The following INSYN2B variants were observed in gnomAD, a reference collection of about 807,000 sequenced individuals.
INSYN2B encodes the protein protein INSYN2B.
INSYN2B carries 16 observed loss-of-function variants against 41.2 expected under a neutral mutation model. The ratio of observed to expected loss-of-function variants is 0.39; its 90% confidence interval spans 0.26 to 0.59. INSYN2B has a LOEUF of 0.59. Among genes scored for constraint, INSYN2B ranks in the 20% least tolerant of loss-of-function variants. The pLI is 0.57. For synonymous variants in INSYN2B, 245 were observed against 244.4 expected, an observed-to-expected ratio of 1.00 and a Z score of -0.02; for missense variants, 608 against 646.4, an observed-to-expected ratio of 0.94 and a Z score of 0.64.
chr5:169,904,624 G>A (rs1774165728), intron 1 of INSYN2B, among the ~76,000 whole-genome samples: 1 of 152,134 alleles, frequency 6.6e-6, no homozygotes, highest in Admixed American at 6.5e-5. Flanking sequence ...CTTCCAACCA[G>A]CCTCTCCCCC....
chr5:169,919,067 A>T (rs1775033827), intron 1 of INSYN2B, among the ~76,000 whole-genome samples: 1 of 152,214 alleles, frequency 6.6e-6, no homozygotes, highest in Non-Finnish European at 1.5e-5. Context: ...GACTTTAACC[A>T]TAATATTTCA....
chr5:169,948,398 C>T (rs939695672), intron 1 of INSYN2B, among the ~76,000 whole-genome samples: 2 of 152,104 alleles, frequency 1.3e-5, no homozygotes, highest in Non-Finnish European at 1.5e-5. Flanking sequence ...GCACCTTTCT[C>T]TGTTTTTTCA....
chr5:169,869,930 G>A (rs1771846338), intron 3 of INSYN2B, among the ~76,000 whole-genome samples: 1 of 152,210 alleles, frequency 6.6e-6, no homozygotes, highest in East Asian at 1.9e-4. Flanking sequence ...TAAGAAGGAA[G>A]ATAGGTGCAG....
intron 3 of INSYN2B, among the ~76,000 whole-genome samples, chr5:169,871,521 A>C (rs1771969980): frequency 1.3e-5 from 2 of 152,244 alleles, no homozygotes; most frequent in African/African-American, 4.8e-5. Context: ...TCATTTTATA[A>C]ATGAGAAAAC....
chr5:169,883,032 G>A lies in INSYN2B; in HGVS notation c.867C>T (p.Asp289=). The change falls in exon 2 of 4, where the codon GAC becomes GAT. Residue 289 remains aspartate, a synonymous_variant. Transcript: ENST00000377365. ...TTGACTGAGATGACAGTGAGCCAAG[G>A]TCTTTGTCATCTGAGTTGTCTTTGG... ...LLPKDNSDDK[D]LGSLSSQSKE... is the part of the protein sequence containing the mutation. The A allele has an allele frequency of 6.4e-7, 1 of 1,551,638 alleles. No individual in the cohort carries two copies. Among genetic ancestry groups the A allele is most frequent in the Non-Finnish European group, 8.7e-7 (1 of 1,146,952 alleles).
At chr5:169,897,162 T>C (rs185242963) in intron 1 of INSYN2B, among the ~76,000 whole-genome samples, 144 of 152,300 alleles carry the variant, frequency 9.5e-4, no homozygotes, top group South Asian at 3.9e-3. Context: ...TTGGAAAGTA[T>C]CACAATAAAA....
At position 169,883,395 on chromosome 5, in the gene INSYN2B, A is replaced by G. The variant is rs1323209986; in HGVS notation, c.504T>C (p.His168=). 6.4e-6 allele frequency: 10 copies of G among 1,551,576 alleles called. No homozygotes were observed. The highest frequency in any genetic ancestry group is 3.9e-5 in the Admixed American group (2 of 50,986). ...CCTTGGGGACCCTTGGGAGGAATGC[A>G]TGGGACACCTTGACCCTTCGAGGCC... ...EDGPRRVKVS[H]AFLPRVPKVQ... Residue 168 remains histidine (H), a synonymous_variant, in exon 2 of 4, where the codon CAT becomes CAC. Coordinates refer to ENST00000377365, the MANE Select transcript of INSYN2B (RefSeq NM_001129891.3).
chr5:169,972,236 C>A (rs1316779400), intron 1 of INSYN2B, among the ~76,000 whole-genome samples: 1 of 152,166 alleles, frequency 6.6e-6, no homozygotes, highest in Non-Finnish European at 1.5e-5. Flanking sequence ...ATAGATTGTT[C>A]CTGCTTATTA....
chr5:169,904,086 C>T (rs1371500542), intron 1 of INSYN2B, among the ~76,000 whole-genome samples: 4 of 122,036 alleles, frequency 3.3e-5, no homozygotes, highest in East Asian at 2.2e-4. Flanking sequence ...AGCAAGACTT[C>T]GTCTCAAAAA....
chr5:169,919,056 T>C (rs1775033220), intron 1 of INSYN2B, among the ~76,000 whole-genome samples: 1 of 152,136 alleles, frequency 6.6e-6, no homozygotes, highest in African/African-American at 2.4e-5. Flanking sequence ...TGGTCAAGGG[T>C]GACTTTAACC....
chr5:169,941,113 G>A (rs943870411), intron 1 of INSYN2B, among the ~76,000 whole-genome samples: 9 of 152,146 alleles, frequency 5.9e-5, no homozygotes, highest in Non-Finnish European at 7.4e-5. Context: ...CTGAAGCCGC[G>A]CCCCGAAGGG....
intron 1 of INSYN2B, among the ~76,000 whole-genome samples, chr5:169,949,486 G>A (rs929254960): frequency 1.3e-5 from 2 of 152,014 alleles, no homozygotes; most frequent in Admixed American, 6.5e-5. Context: ...TGAAAAGTGA[G>A]AAATAACTTG....
chr5:169,922,303 T>C (rs1273819459), intron 1 of INSYN2B, among the ~76,000 whole-genome samples: 1 of 152,224 alleles, frequency 6.6e-6, no homozygotes, highest in Admixed American at 6.5e-5. Context: ...AGATGAGCCC[T>C]AATTTATGCA....
chr5:169,977,100 T>G, intron 1 of INSYN2B, among the ~76,000 whole-genome samples: 1 of 152,226 alleles, frequency 6.6e-6, no homozygotes, highest in East Asian at 1.9e-4. Context: ...AGACAGTTAT[T>G]TTTCAGGCTT....
chr5:169,949,589 A>G (rs1776580184), intron 1 of INSYN2B, among the ~76,000 whole-genome samples: 1 of 151,582 alleles, frequency 6.6e-6, no homozygotes. Flanking sequence ...CAGCTTTTTA[A>G]TGGTGGGGGT....
At chr5:169,946,477 C>T (rs1373412610) in intron 1 of INSYN2B, among the ~76,000 whole-genome samples, 1 of 152,186 alleles carries the variant, frequency 6.6e-6, no homozygotes, top group African/African-American at 2.4e-5. Flanking sequence ...TTGATCTTTA[C>T]CCCAGCTCCT....
chr5:169,902,451 G>A (rs76102396), intron 1 of INSYN2B, among the ~76,000 whole-genome samples: 2 of 152,186 alleles, frequency 1.3e-5, no homozygotes, highest in African/African-American at 2.4e-5. Flanking sequence ...TGCTCCAGGG[G>A]TCATGCTCTT....
intron 1 of INSYN2B, among the ~76,000 whole-genome samples, chr5:169,962,653 C>T (rs973491949): frequency 2.0e-5 from 3 of 151,992 alleles, no homozygotes; most frequent in Admixed American, 6.6e-5. Flanking sequence ...CCTCTAGGAA[C>T]GTATTGTCTG....
chr5:169,916,490 G>A (rs1054747265), intron 1 of INSYN2B, among the ~76,000 whole-genome samples: 5 of 152,220 alleles, frequency 3.3e-5, no homozygotes, highest in African/African-American at 9.6e-5. Context: ...GGGGATGGAC[G>A]CTAGAATTGG....
Sources: gnomAD v4.1 joint callset for allele counts (sites outside exome capture counted in the v4.1 genomes callset) on GRCh38, gnomAD v4.1.1 for gene constraint, MANE v1.5 for transcripts, NCBI Gene and HGNC (gene_info 2026-07-23, HGNC 2026-07-21) for gene names.